DIAPH2: variants seen among roughly 807,000 people sequenced by gnomAD.
The protein encoded by DIAPH2 is diaphanous related formin 2.
Under a neutral mutation model 92.7 loss-of-function variants are expected in DIAPH2, and 35 were observed. That is an observed-to-expected ratio of 0.38 (90% CI 0.29 to 0.50). The LOEUF (loss-of-function observed/expected upper bound fraction) is 0.50, where lower values mean the gene tolerates loss of function less well. Among genes scored for constraint, DIAPH2 ranks in the 20% least tolerant of loss-of-function variants. DIAPH2 has a pLI of 0.94. For synonymous variants in DIAPH2, 301 were observed against 280.4 expected (o/e 1.07, Z -0.73); for missense variants, 701 against 819.5 (o/e 0.86, Z 1.77).
chrX:97,511,209 T>G (rs1208215406), intron 26 of DIAPH2, among the ~76,000 whole-genome samples: 1 of 94,893 alleles, frequency 1.1e-5, no homozygotes, highest in Non-Finnish European at 2.1e-5. Context: ...GTAGTTCTCC[T>G]TGAAGAGGTC....
At chrX:97,062,820 G>T (rs747151428) in intron 17 of DIAPH2, among the ~76,000 whole-genome samples, 1 of 108,786 alleles carries the variant, frequency 9.2e-6, no homozygotes, top group East Asian at 2.9e-4. Context: ...ATTACTTGAG[G>T]TCAGGAGTTC....
intron 4 of DIAPH2, among the ~76,000 whole-genome samples, chrX:96,828,626 A>T (rs1471477213): frequency 1.8e-5 from 2 of 112,151 alleles, no homozygotes; most frequent in African/African-American, 6.5e-5. Flanking sequence ...GTGATTTCAG[A>T]GCATTTATCA....
intron 23 of DIAPH2, among the ~76,000 whole-genome samples, chrX:97,273,510 A>G (rs1348390618): frequency 8.9e-6 from 1 of 112,103 alleles, no homozygotes; most frequent in Non-Finnish European, 1.9e-5. Context: ...AAGGTTTCAT[A>G]TCCATTAAGT....
intron 23 of DIAPH2, among the ~76,000 whole-genome samples, chrX:97,340,634 GT>G (rs1040384172): frequency 6.5e-5 from 7 of 108,112 alleles, no homozygotes; most frequent in Admixed American, 6.0e-4. Context: ...AGCCTTGCTG[GT>G]TTTTTGTTTT....
chrX:97,350,081 G>T (rs938805151), intron 24 of DIAPH2, among the ~76,000 whole-genome samples: 1 of 110,143 alleles, frequency 9.1e-6, no homozygotes, highest in Admixed American at 9.8e-5. Context: ...AGGCCGAGGC[G>T]GGTGGATCAC....
At chrX:97,489,994 A>G (rs2070714616) in intron 26 of DIAPH2, among the ~76,000 whole-genome samples, 1 of 111,549 alleles carries the variant, frequency 9.0e-6, no homozygotes, top group African/African-American at 3.2e-5. Flanking sequence ...TGTTGGGGTT[A>G]ATTCTTCATT....
intron 22 of DIAPH2, among the ~76,000 whole-genome samples, chrX:97,174,557 G>T (rs1322851108): frequency 3.6e-5 from 4 of 111,430 alleles, no homozygotes; most frequent in South Asian, 3.7e-4. Context: ...GGGAGAAAAG[G>T]ATTTATAAGA....
At chrX:97,454,048 T>A (rs754282931) in intron 26 of DIAPH2, 3 of 111,859 alleles carry the variant, frequency 2.7e-5, no homozygotes, top group Non-Finnish European at 5.6e-5. Flanking sequence ...AAAATATCCC[T>A]CAACAGGCGA....
At chrX:97,441,673 G>A (rs576500646) in intron 26 of DIAPH2, among the ~76,000 whole-genome samples, 2 of 111,283 alleles carry the variant, frequency 1.8e-5, no homozygotes, top group South Asian at 7.6e-4. Context: ...AAAATTAGCC[G>A]GGCGTGGTGG....
At chrX:97,269,778 GTT>G (rs2068371116) in intron 23 of DIAPH2, among the ~76,000 whole-genome samples, 1 of 103,545 alleles carries the variant, frequency 9.7e-6, no homozygotes, top group Non-Finnish European at 1.9e-5. Context: ...TTGAGACAGA[GTT>G]TCAGTCTTAT....
chrX:97,207,104 C>G (rs12852036), intron 22 of DIAPH2, among the ~76,000 whole-genome samples: 49,835 of 110,060 alleles, frequency 0.45, 9,170 homozygotes, highest in Non-Finnish European at 0.59. Context: ...GGCACTCTTT[C>G]TAATCAATCC....
chrX:96,977,276 C>A (rs2065968000), intron 17 of DIAPH2, among the ~76,000 whole-genome samples: 2 of 111,855 alleles, frequency 1.8e-5, no homozygotes, highest in African/African-American at 6.5e-5. Flanking sequence ...AAATAAGGTT[C>A]TTTCTATAAT....
intron 4 of DIAPH2, among the ~76,000 whole-genome samples, chrX:96,839,469 C>T (rs770056432): frequency 1.8e-5 from 2 of 111,261 alleles, no homozygotes; most frequent in Non-Finnish European, 3.8e-5. Flanking sequence ...AAATTGCTAA[C>T]GATGGCTTAA....
At chrX:97,412,291 T>A (rs962871674) in intron 25 of DIAPH2, among the ~76,000 whole-genome samples, 3 of 111,949 alleles carry the variant, frequency 2.7e-5, no homozygotes, top group Non-Finnish European at 5.6e-5. Flanking sequence ...AACAACCTGC[T>A]CCTGAATGAC....
chrX:96,937,442 CT>C (rs1387427071), intron 11 of DIAPH2, 91 bp downstream of exon 11: 15 of 475,704 alleles, frequency 3.2e-5, no homozygotes, highest in Non-Finnish European at 5.2e-5. Flanking sequence ...GAGTTCTTGT[CT>C]GCCCTCCCAA....
chrX:97,514,806 C>A (rs1286091837), intron 26 of DIAPH2, among the ~76,000 whole-genome samples: 1 of 110,585 alleles, frequency 9.0e-6, no homozygotes, highest in Non-Finnish European at 1.9e-5. Flanking sequence ...GAGGGTGCCT[C>A]CCAGTTAGGC....
chrX:97,218,960 A>G (rs905442446), intron 22 of DIAPH2, among the ~76,000 whole-genome samples: 1 of 112,233 alleles, frequency 8.9e-6, no homozygotes, highest in African/African-American at 3.2e-5. Context: ...ATATTCTAAC[A>G]GTAAATTTTC....
At chrX:97,435,254 AG>A (rs2070170883) in intron 26 of DIAPH2, among the ~76,000 whole-genome samples, 2 of 111,879 alleles carry the variant, frequency 1.8e-5, no homozygotes, top group African/African-American at 6.5e-5. Flanking sequence ...CTATAGGGAA[AG>A]ATCATATTCA....
rs766188610 is a variant in DIAPH2, at chrX:97,072,969, AAAG to A, written c.2084_2086del (p.Lys695del). 114 of 1,201,057 alleles carry A rather than the reference AAAG, an allele frequency of 9.5e-5. No homozygotes were observed. Among genetic ancestry groups the A allele is most frequent in the Admixed American group, 2.1e-4 (9 of 43,025 alleles). ...AAAAGAACGCAGAAGCATTAGAAGA[AAAG>A]AAGACTGGGCCTACAAAGAAGAAAG... On this transcript the variant is annotated inframe_deletion, in exon 18 of 27. Coordinates refer to ENST00000324765, the MANE Select transcript of DIAPH2 (RefSeq NM_006729.5).
Sources: allele counts gnomAD v4.1 joint callset (sites outside exome capture counted in the v4.1 genomes callset), GRCh38; gene constraint gnomAD v4.1.1; transcripts MANE v1.5; gene names NCBI Gene and HGNC (gene_info 2026-07-23, HGNC 2026-07-21).